The following GPC5 variants were observed in gnomAD, a reference collection of about 807,000 sequenced individuals.
GPC5 encodes the protein glypican-5.
A neutral mutation model predicts 53.9 loss-of-function variants in GPC5; 47 were observed. That is an observed-to-expected ratio of 0.87 (90% CI 0.69 to 1.11). The LOEUF is 1.11. Ranked by LOEUF, GPC5 falls within the 50% of genes most tolerant of loss-of-function variation. The probability of loss-of-function intolerance (pLI) is 0.00; values close to 1 mark genes in which losing one functional copy is unlikely to be tolerated. For synonymous variants in GPC5, 286 were observed against 263.3 expected, an observed-to-expected ratio of 1.09 and a Z score of -0.84; for missense variants, 748 against 713.1, an observed-to-expected ratio of 1.05 and a Z score of -0.56.
chr13:92,149,079 C>G (rs9301780), intron 7 of GPC5, among the ~76,000 whole-genome samples: 1 of 151,858 alleles, frequency 6.6e-6, no homozygotes, highest in African/African-American at 2.4e-5. Context: ...AGGGAAAATG[C>G]ATCTGATCAC....
intron 7 of GPC5, among the ~76,000 whole-genome samples, chr13:92,597,191 A>G (rs939725516): frequency 6.6e-6 from 1 of 152,010 alleles, no homozygotes; most frequent in African/African-American, 2.4e-5. Context: ...GCCTTTATTA[A>G]TTCCAAGTTG....
intron 7 of GPC5, among the ~76,000 whole-genome samples, chr13:92,494,378 C>T (rs1387997559): frequency 2.0e-5 from 3 of 152,252 alleles, no homozygotes; most frequent in South Asian, 2.1e-4. Context: ...CGTGAGCCAC[C>T]GCGCCTGGCC....
chr13:92,278,125 A>G (rs892260064), intron 7 of GPC5, among the ~76,000 whole-genome samples: 4 of 151,860 alleles, frequency 2.6e-5, no homozygotes, highest in Non-Finnish European at 5.9e-5. Context: ...CTATAAAAAT[A>G]TATACATATA....
rs68182839 is a variant in GPC5, at chr13:92,758,994, G to GTTTTTTTTTT, written c.1562-107272_1562-107263dup. 1.3e-4 allele frequency among the ~76,000 whole-genome samples: 9 copies of GTTTTTTTTTT among 70,574 alleles called. 1 individual carries two copies. The highest frequency in any genetic ancestry group is 4.1e-4 in the African/African-American group (6 of 14,752). The allele number at this position is 70,574 out of a possible 152,430, so 46.3% of individuals were successfully genotyped here. A position where few individuals can be genotyped will look rare whatever the true frequency, so the allele number is the denominator to read the frequency against. ...CAGAGAATATCCTTTTCCCATTGCGGTTTTTTTTTTTTTTTTTTTTTTTTT... is the reference window on the plus strand; with the variant it reads ...CAGAGAATATCCTTTTCCCATTGCGGTTTTTTTTTTTTTTTTTTTTTTTTTTTTTTTTTTT... On this transcript the variant is annotated intron_variant, in intron 7 of 7. Transcript: ENST00000377067.
intron 7 of GPC5, among the ~76,000 whole-genome samples, chr13:92,350,834 A>T (rs150231493): frequency 6.6e-6 from 1 of 152,170 alleles, no homozygotes; most frequent in South Asian, 2.1e-4. Context: ...TTTTTAAAAG[A>T]CCAAGACAAT....
At chr13:92,695,701 GTTTT>G (rs200591293) in intron 7 of GPC5, among the ~76,000 whole-genome samples, 2 of 141,970 alleles carry the variant, frequency 1.4e-5, no homozygotes, top group East Asian at 2.0e-4. Context: ...AATTTTATGA[GTTTT>G]TTTTTTTTTT....
intron 3 of GPC5, among the ~76,000 whole-genome samples, chr13:91,721,391 T>C (rs1449968712): frequency 6.6e-6 from 1 of 152,154 alleles, no homozygotes; most frequent in Non-Finnish European, 1.5e-5. Context: ...TGCCTCAGCC[T>C]CCCAAAGTGT....
intron 5 of GPC5, among the ~76,000 whole-genome samples, chr13:91,869,285 T>C (rs1159802377): frequency 1.3e-5 from 2 of 151,998 alleles, no homozygotes; most frequent in Non-Finnish European, 2.9e-5. Context: ...GGTCTCCAAC[T>C]CCTGACCTCA....
intron 7 of GPC5, among the ~76,000 whole-genome samples, chr13:92,636,094 C>T (rs1338798081): frequency 6.6e-6 from 1 of 152,176 alleles, no homozygotes; most frequent in African/African-American, 2.4e-5. Flanking sequence ...CTCACATCTG[C>T]CTTTTTATTA....
At chr13:92,829,380 T>G (rs1296705290) in intron 7 of GPC5, among the ~76,000 whole-genome samples, 2 of 152,200 alleles carry the variant, frequency 1.3e-5, no homozygotes, top group African/African-American at 2.4e-5. Context: ...ATGTTTAAGT[T>G]TTATCAGAAG....
At position 91,583,686 on chromosome 13, in the gene GPC5, A is replaced by C. The variant is rs1467527857; in HGVS notation, c.326-109501A>C. On this transcript the variant is annotated intron_variant, in intron 2 of 7. Transcript: ENST00000377067. ...GTGACAAGAATAAGTAAAATAGCTGAGACACCCTTGAAGAAAGAGGCAGGA... is the reference window on the plus strand; with the variant it reads ...GTGACAAGAATAAGTAAAATAGCTGCGACACCCTTGAAGAAAGAGGCAGGA... Among the ~76,000 whole-genome samples the C allele has an allele frequency of 2.0e-5, 3 of 152,260 alleles. No homozygotes were observed. The East Asian group carries it at 5.8e-4, about 29-fold the overall frequency.
intron 7 of GPC5, among the ~76,000 whole-genome samples, chr13:92,786,416 T>A (rs1190079337): frequency 2.0e-5 from 3 of 152,006 alleles, no homozygotes; most frequent in Non-Finnish European, 4.4e-5. Context: ...GATAACTGGA[T>A]AAGCAGAATA....
chr13:91,880,551 T>C (rs1294366677), intron 5 of GPC5, among the ~76,000 whole-genome samples: 1 of 152,184 alleles, frequency 6.6e-6, no homozygotes, highest in Non-Finnish European at 1.5e-5. Flanking sequence ...AGTTTAAATA[T>C]TAAATTAAAT....
intron 5 of GPC5, among the ~76,000 whole-genome samples, chr13:91,771,058 G>A (rs868809593): frequency 5.9e-5 from 9 of 152,050 alleles, no homozygotes; most frequent in South Asian, 2.1e-4. Flanking sequence ...AGAATAAAGC[G>A]TATACAACTT....
rs531514317 is a variant in GPC5, at chr13:91,453,287, A to G, written c.325+4365A>G. Among the ~76,000 whole-genome samples, 3 of 152,122 alleles carry G rather than the reference A, an allele frequency of 2.0e-5. No homozygotes were observed. In the South Asian group the frequency reaches 6.2e-4, roughly 32 times the overall value. On this transcript the variant is annotated intron_variant, in intron 2 of 7. Coordinates refer to ENST00000377067, the MANE Select transcript of GPC5 (RefSeq NM_004466.6). ...TGAATTGAGAATATGAATATAACTTACGGATTTTTATCCTTTATGCTAACA... is the reference window on the plus strand; with the variant it reads ...TGAATTGAGAATATGAATATAACTTGCGGATTTTTATCCTTTATGCTAACA...
Position 92,122,793 on chromosome 13 carries a change from T to A in GPC5, c.1402-22037T>A, listed in dbSNP as rs189163943. 2.7e-5 allele frequency among the ~76,000 whole-genome samples: 4 copies of A among 150,078 alleles called. No homozygotes were observed. The East Asian group carries it at 7.9e-4, about 29-fold the overall frequency. ...AACATTTTTAGCCATCTAATTTTAT[T>A]CCTTACATTCATTCTTAAAGAAGCA... On this transcript the variant is annotated intron_variant, in intron 6 of 7. Coordinates refer to ENST00000377067, the MANE Select transcript of GPC5 (RefSeq NM_004466.6).
intron 7 of GPC5, among the ~76,000 whole-genome samples, chr13:92,840,730 AT>A (rs1371698743): frequency 4.6e-5 from 7 of 152,096 alleles, no homozygotes; most frequent in African/African-American, 1.7e-4. Flanking sequence ...CTTCTAATTC[AT>A]GAACATGGGC....
intron 6 of GPC5, among the ~76,000 whole-genome samples, chr13:92,102,729 T>C (rs1451222532): frequency 6.6e-6 from 1 of 152,154 alleles, no homozygotes; most frequent in Non-Finnish European, 1.5e-5. Flanking sequence ...TAAAGAACTG[T>C]ATATATGTAG....
intron 1 of GPC5, among the ~76,000 whole-genome samples, chr13:91,404,933 A>C (rs952902440): frequency 6.6e-6 from 1 of 152,202 alleles, no homozygotes; most frequent in Admixed American, 6.5e-5. Context: ...TTTGAAAAAC[A>C]TGGCTTTTCC....
Sources: allele counts gnomAD v4.1 joint callset (sites outside exome capture counted in the v4.1 genomes callset), GRCh38; gene constraint gnomAD v4.1.1; transcripts MANE v1.5; gene names NCBI Gene and HGNC (gene_info 2026-07-23, HGNC 2026-07-21).